Variants in BTN2A1 observed in about 807,000 individuals in gnomAD.
The protein encoded by BTN2A1 is butyrophilin subfamily 2 member A1.
BTN2A1 carries 41 observed loss-of-function variants against 34.5 expected under a neutral mutation model. The observed-to-expected ratio is 1.19, with a 90% CI of 0.93 to 1.54. BTN2A1 has a LOEUF of 1.54. BTN2A1 is among the 40% of genes most tolerant of loss of function. BTN2A1 has a pLI of 0.00. For missense variants in BTN2A1, 642 were observed against 662.0 expected, an observed-to-expected ratio of 0.97 and a Z score of 0.33; for synonymous variants, 267 against 258.6, an observed-to-expected ratio of 1.03 and a Z score of -0.31.
intron 5 of BTN2A1, among the ~76,000 whole-genome samples, 163 bp downstream of exon 5, chr6:26,465,569 G>T (rs1234813544): frequency 6.6e-6 from 1 of 151,880 alleles, no homozygotes; most frequent in Non-Finnish European, 1.5e-5. Flanking sequence ...TAGAAGGACA[G>T]TTCACCACCA....
intron 7 of BTN2A1, among the ~76,000 whole-genome samples, chr6:26,466,293 T>G (rs1381989542): frequency 6.6e-6 from 1 of 152,226 alleles, no homozygotes; most frequent in East Asian, 1.9e-4. Flanking sequence ...CCCTATGGTT[T>G]ACATCCCAGG....
In BTN2A1 at chr6:26,459,676, G is replaced by A. The variant is rs1487252918; in HGVS notation, c.278G>A (p.Arg93Gln). ...ERTEEQMEEYRGRTTFVSKDI... is the reference protein window; with the variant it reads ...ERTEEQMEEYQGRTTFVSKDI... ...ACAGAGGAGCAGATGGAGGAGTACC[G>A]AGGAAGAACCACCTTTGTGAGCAAA... The change falls in exon 3 of 8, where the codon CGA (arginine) becomes CAA (glutamine). Residue 93 changes from arginine (R) to glutamine (Q), a missense_variant. Arg to Gln is a conservative substitution (Grantham distance 43, BLOSUM62 1). Coordinates refer to ENST00000312541, the MANE Select transcript of BTN2A1 (RefSeq NM_007049.5). The A allele has an allele frequency of 3.1e-6, 5 of 1,613,998 alleles. No homozygotes were observed. The highest frequency in any genetic ancestry group is 2.2e-5 in the South Asian group (2 of 91,086).
In BTN2A1 at chr6:26,459,528, G is replaced by C; in HGVS notation, c.130G>C (p.Gly44Arg). The change falls in exon 3 of 8, where the codon GGA becomes CGA. Residue 44 changes from glycine (G) to arginine (R), a missense_variant. Coordinates refer to ENST00000312541, the MANE Select transcript of BTN2A1 (RefSeq NM_007049.5). ...GPTDPILATV[G>R]ENTTLRCHLS... ...CACTGATCCCATCTTGGCCACGGTTGGAGAAAACACTACGTTACGCTGCCA... is the reference window on the plus strand; with the variant it reads ...CACTGATCCCATCTTGGCCACGGTTCGAGAAAACACTACGTTACGCTGCCA... The C allele has an allele frequency of 1.2e-6, 2 of 1,613,972 alleles. No homozygotes were observed. Among genetic ancestry groups the C allele is most frequent in the Non-Finnish European group, 1.7e-6 (2 of 1,179,902 alleles).
downstream of BTN2A1, among the ~76,000 whole-genome samples, chr6:26,474,587 G>A (rs1215762925): frequency 6.6e-6 from 1 of 152,120 alleles, no homozygotes; most frequent in Non-Finnish European, 1.5e-5. Flanking sequence ...GGACTGAAAA[G>A]CTGAGAGGGG....
Position 26,468,565 on chromosome 6 carries a change from CT to C in BTN2A1, c.*17del. On this transcript the variant is annotated 3_prime_UTR_variant, in exon 8 of 8. Transcript: ENST00000312541. ...GAGCCTATAGAATCAATTCCTTGGT[CT>C]CACAGCCATGTAGACAAGCCCTGGT... The C allele has an allele frequency of 6.2e-7, 1 of 1,614,146 alleles. No homozygotes were observed. The highest frequency in any genetic ancestry group is 8.5e-7 in the Non-Finnish European group (1 of 1,180,024).
At chr6:26,465,870 G>T in intron 5 of BTN2A1, 83 bp from the exon 6 acceptor site, 4 of 1,601,668 alleles carry the variant, frequency 2.5e-6, no homozygotes, top group South Asian at 1.1e-5. Flanking sequence ...TCATAGAAAG[G>T]ACGGTTCCTG....
chr6:26,463,461 C>T lies in BTN2A1; in HGVS notation c.648C>T (p.Asn216=). 1 of 1,614,188 alleles carries T rather than the reference C, an allele frequency of 6.2e-7. No homozygotes were observed. Among genetic ancestry groups the T allele is most frequent in the Non-Finnish European group, 8.5e-7 (1 of 1,180,024 alleles). Residue 216 remains asparagine, a synonymous_variant, in exon 4 of 8, where the codon AAC becomes AAT. Transcript: ENST00000312541. ...AVIIRDKSVR[N]MSCSINNTLL... is the part of the protein sequence containing the mutation. The stretch of plus-strand genomic sequence containing the variant: ...TCATCAGAGACAAGTCTGTGAGGAA[C>T]ATGTCCTGCTCTATCAACAACACCC...
rs79841995 is a variant in BTN2A1, at chr6:26,475,113, T to C, written c.983-1009T>C. ...TCTCCTGGTTATGTTTAGGAACATATTCCAAAAGGTTCTAAAAAGAGATGT... is the reference window on the plus strand; with the variant it reads ...TCTCCTGGTTATGTTTAGGAACATACTCCAAAAGGTTCTAAAAAGAGATGT... On this transcript the variant is annotated intron_variant, in intron 7 of 7. Transcript: ENST00000469185. Among the ~76,000 whole-genome samples the C allele has an allele frequency of 7.4e-3, 1,121 of 152,300 alleles. 10 individuals carry two copies. The highest frequency in any genetic ancestry group is 0.013 in the Non-Finnish European group (869 of 68,020).
At chr6:26,463,638 A>C (rs780906948) in intron 4 of BTN2A1, 113 bp downstream of exon 4, 4 of 1,270,282 alleles carry the variant, frequency 3.1e-6, no homozygotes, top group Non-Finnish European at 4.4e-6. Flanking sequence ...CCTGGGCCCT[A>C]AGGACCTGGA....
At chr6:26,476,027 A>G in intron 7 of BTN2A1, 9 of 1,027,062 alleles carry the variant, frequency 8.8e-6, no homozygotes, top group Non-Finnish European at 8.8e-6. Context: ...ATTATAGTTG[A>G]AAGATTTTTT....
At chr6:26,463,931 G>T (rs1445436328) in intron 4 of BTN2A1, among the ~76,000 whole-genome samples, 1 of 151,942 alleles carries the variant, frequency 6.6e-6, no homozygotes, top group Non-Finnish European at 1.5e-5. Context: ...CCTCCCGAAG[G>T]CTAGGACTAC....
chr6:26,476,252 C>G, exon 8 of BTN2A1: 1 of 1,390,824 alleles, frequency 7.2e-7, no homozygotes, highest in Non-Finnish European at 9.9e-7. Context: ...CCAGAGCACT[C>G]CAAGTTGGAA....
In BTN2A1 at chr6:26,468,385, A is replaced by G. The variant is rs369642744; in HGVS notation, c.1420A>G (p.Thr474Ala). Residue 474 changes from threonine to alanine, a missense_variant, in exon 8 of 8, where the codon ACA becomes GCA. By Grantham distance (58) the Thr-to-Ala change is moderately conservative. Coordinates refer to ENST00000312541, the MANE Select transcript of BTN2A1 (RefSeq NM_007049.5). Reference protein sequence around the residue: ...YNMRDRSHIYTCPRSAFSVPV... With the variant: ...YNMRDRSHIYACPRSAFSVPV... ...CATGAGGGACAGATCGCACATCTACACATGTCCCCGTTCAGCCTTTTCCGT... is the reference window on the plus strand; with the variant it reads ...CATGAGGGACAGATCGCACATCTACGCATGTCCCCGTTCAGCCTTTTCCGT... 10 of 1,614,200 alleles carry G rather than the reference A, an allele frequency of 6.2e-6. No homozygotes were observed. In the South Asian group the frequency reaches 1.1e-4, roughly 18 times the overall value.
chr6:26,467,456 T>G (rs1276771694), intron 7 of BTN2A1, among the ~76,000 whole-genome samples: 1 of 152,030 alleles, frequency 6.6e-6, no homozygotes, highest in Non-Finnish European at 1.5e-5. Flanking sequence ...GGATTACAGG[T>G]GTGCACCACC....
chr6:26,464,423 A>G (rs1461986377), intron 4 of BTN2A1, among the ~76,000 whole-genome samples: 1 of 152,242 alleles, frequency 6.6e-6, no homozygotes, highest in Non-Finnish European at 1.5e-5. Context: ...TATAGGAAAC[A>G]TTAAGCAAGG....
chr6:26,476,381 A>G, exon 8 of BTN2A1: 1 of 739,702 alleles, frequency 1.4e-6, no homozygotes, highest in Non-Finnish European at 2.5e-6. Flanking sequence ...CGAAGATGGC[A>G]GTTTTCCCAA....
At chr6:26,473,846 T>A (rs1217378170), downstream of BTN2A1, among the ~76,000 whole-genome samples, 1 of 151,562 alleles carries the variant, frequency 6.6e-6, no homozygotes, top group Non-Finnish European at 1.5e-5. Flanking sequence ...AAACTTTTCG[T>A]CAATGTGTAC....
Position 26,469,150 on chromosome 6 carries a change from TGGACCTG to T in BTN2A1, c.*605_*611del, listed in dbSNP as rs1341245382. 1.9e-6 allele frequency: 2 copies of T among 1,074,700 alleles called. No homozygotes were observed. The highest frequency in any genetic ancestry group is 1.1e-6 in the Non-Finnish European group (1 of 883,360). The allele number at this position is 1,074,700 out of a possible 1,614,324, so 66.6% of individuals were successfully genotyped here. A position where few individuals can be genotyped will look rare whatever the true frequency, so the allele number is the denominator to read the frequency against. ...TTTCCAGAGCGCACATCCACAGGCC[TGGACCTG>T]GGATGAAGATGAATGAAGAACATGG... On this transcript the variant is annotated 3_prime_UTR_variant, in exon 8 of 8. Coordinates refer to ENST00000312541, the MANE Select transcript of BTN2A1 (RefSeq NM_007049.5).
chr6:26,459,409 A>G, intron 2 of BTN2A1, 72 bp from the exon 3 acceptor site: 1 of 1,518,884 alleles, frequency 6.6e-7, no homozygotes, highest in Non-Finnish European at 9.0e-7. Flanking sequence ...TCCCTAGAAT[A>G]TCTGCTTCCT....
Sources: gnomAD v4.1 joint callset for allele counts (sites outside exome capture counted in the v4.1 genomes callset) on GRCh38, gnomAD v4.1.1 for gene constraint, MANE v1.5 for transcripts, NCBI Gene and HGNC (gene_info 2026-07-23, HGNC 2026-07-21) for gene names.